Variants in AGO3 observed in about 807,000 individuals in gnomAD.
AGO3 encodes the protein protein argonaute-3.
In AGO3, 16 loss-of-function variants were observed where a neutral mutation model predicts 105.5. That is an observed-to-expected ratio of 0.15 (90% CI 0.10 to 0.23). The LOEUF is 0.23. Ranked by LOEUF, AGO3 falls within the 10% of genes least tolerant of loss-of-function variation. AGO3 has a pLI of 1.00. For missense variants in AGO3, 534 were observed against 1,088.0 expected, an observed-to-expected ratio of 0.49 and a Z score of 7.16; for synonymous variants, 340 against 367.3, an observed-to-expected ratio of 0.93 and a Z score of 0.85.
At chr1:35,977,061 A>G (rs1405688368) in intron 5 of AGO3, among the ~76,000 whole-genome samples, 1 of 151,996 alleles carries the variant, frequency 6.6e-6, no homozygotes, top group South Asian at 2.1e-4. Flanking sequence ...TGTGAAAATC[A>G]GTCTAATAAT....
At chr1:35,956,909 A>G (rs1341437760) in intron 2 of AGO3, among the ~76,000 whole-genome samples, 1 of 151,590 alleles carries the variant, frequency 6.6e-6, no homozygotes, top group African/African-American at 2.4e-5. Flanking sequence ...CGGCCTCCCA[A>G]AGTTGCTAGG....
Position 36,013,695 on chromosome 1 carries a change from A to G in AGO3, c.1215A>G (p.Glu405=). ...AGTTTCAATTTAAAGTTCGGGATGA[A>G]ATGGCTCATGTAACTGGACGCGTAC... is the stretch of plus-strand genomic sequence containing the variant. The part of the protein sequence containing the change: ...VQEFQFKVRD[E]MAHVTGRVLP... The change falls in exon 10 of 19, where the codon GAA becomes GAG. Residue 405 remains glutamate, a synonymous_variant. Coordinates refer to ENST00000373191, the MANE Select transcript of AGO3 (RefSeq NM_024852.4). 1 of 1,614,168 alleles carries G rather than the reference A, an allele frequency of 6.2e-7. No individual in the cohort carries two copies. The highest frequency in any genetic ancestry group is 8.5e-7 in the Non-Finnish European group (1 of 1,180,034).
chr1:36,067,853 A>G lies in AGO3; in HGVS notation c.*12108A>G, dbSNP rs1569982062. 6.6e-6 allele frequency: 1 copy of G among 152,162 alleles called. No individual in the cohort carries two copies. 9.4% of individuals were successfully genotyped at this position (152,162 alleles called of 1,614,324 possible). A position where few individuals can be genotyped will look rare whatever the true frequency, so the allele number is the denominator to read the frequency against. Reference sequence around the variant, plus strand: ...AAAAAAAAAAAAGAAGGAATAGGAAAAGGACTTAGAGGCAGTTGATATAGA... The same window carrying G: ...AAAAAAAAAAAAGAAGGAATAGGAAGAGGACTTAGAGGCAGTTGATATAGA... On this transcript the variant is annotated 3_prime_UTR_variant, in exon 19 of 19. Coordinates refer to ENST00000373191, the MANE Select transcript of AGO3 (RefSeq NM_024852.4).
intron 9 of AGO3, among the ~76,000 whole-genome samples, chr1:36,013,216 G>A (rs1640709237): frequency 6.6e-6 from 1 of 152,106 alleles, no homozygotes; most frequent in African/African-American, 2.4e-5. Context: ...TGGAATTACA[G>A]ATGTGAGCCA....
In AGO3 at chr1:36,071,459, A is replaced by G. The variant is rs1037245067; in HGVS notation, c.*15714A>G. ...TGATATCAGTATGTTTTGAAACTGA[A>G]TTATTACATAAAATCAGAGTAACCT... is the stretch of plus-strand genomic sequence containing the variant. On this transcript the variant is annotated 3_prime_UTR_variant, in exon 19 of 19. Transcript: ENST00000373191. 5 of 152,158 alleles carry G rather than the reference A, an allele frequency of 3.3e-5. No individual in the cohort carries two copies. The highest frequency in any genetic ancestry group is 1.2e-4 in the African/African-American group (5 of 41,428). The allele number at this position is 152,158 out of a possible 1,614,324, so 9.4% of individuals were successfully genotyped here. A position where few individuals can be genotyped will look rare whatever the true frequency, so the allele number is the denominator to read the frequency against.
At chr1:36,013,178 GT>G (rs373748786) in intron 9 of AGO3, among the ~76,000 whole-genome samples, 167 of 152,030 alleles carry the variant, frequency 1.1e-3, no homozygotes, top group African/African-American at 3.8e-3. Flanking sequence ...AGCTCAAGCA[GT>G]TCTCCCACCT....
At chr1:36,002,512 A>G (rs1439185958) in intron 5 of AGO3, among the ~76,000 whole-genome samples, 2 of 151,340 alleles carry the variant, frequency 1.3e-5, no homozygotes, top group East Asian at 1.9e-4. Flanking sequence ...TTGTATTTTC[A>G]GTAGAGATGG....
At position 35,972,224 on chromosome 1, in the gene AGO3, C is replaced by A. The variant is rs1646882439; in HGVS notation, c.513C>A (p.Pro171=). ...TTGATGTGGTGCTACGACATCTGCCCTCCATGAAGTGGGTGCTTCTGCTTT... is the reference window on the plus strand; with the variant it reads ...TTGATGTGGTGCTACGACATCTGCCATCCATGAAGTGGGTGCTTCTGCTTT... ...HAVDVVLRHL[P]SMKYTPVGRS... Residue 171 remains proline (P), a synonymous_variant, in exon 4 of 19, where the codon CCC becomes CCA. Transcript: ENST00000373191. 1 of 1,613,706 alleles carries A rather than the reference C, an allele frequency of 6.2e-7. No individual in the cohort carries two copies. Among genetic ancestry groups the A allele is most frequent in the Non-Finnish European group, 8.5e-7 (1 of 1,179,992 alleles).
At chr1:36,051,962 TG>T (rs1374838868) in intron 17 of AGO3, among the ~76,000 whole-genome samples, 3 of 152,110 alleles carry the variant, frequency 2.0e-5, no homozygotes, top group Non-Finnish European at 2.9e-5. Flanking sequence ...TATGCACTAT[TG>T]GTGGCAATGT....
At chr1:36,050,636 A>G (rs1476987671) in intron 17 of AGO3, among the ~76,000 whole-genome samples, 1 of 151,692 alleles carries the variant, frequency 6.6e-6, no homozygotes, top group African/African-American at 2.4e-5. Flanking sequence ...TACTAAAAAT[A>G]CAAAAATTAG....
intron 6 of AGO3, among the ~76,000 whole-genome samples, chr1:36,006,821 C>T (rs1424235294): frequency 6.6e-6 from 1 of 152,216 alleles, no homozygotes; most frequent in East Asian, 1.9e-4. Flanking sequence ...GGATGGATAC[C>T]GTGTCCATTT....
intron 2 of AGO3, among the ~76,000 whole-genome samples, chr1:35,947,196 G>C (rs973559620): frequency 6.6e-6 from 1 of 151,984 alleles, no homozygotes; most frequent in East Asian, 1.9e-4. Context: ...TCTGAACCAG[G>C]CTTAAGGGGA....
chr1:35,969,356 T>C (rs1646827270), intron 3 of AGO3, among the ~76,000 whole-genome samples: 1 of 152,196 alleles, frequency 6.6e-6, no homozygotes, highest in Non-Finnish European at 1.5e-5. Flanking sequence ...TTTTTAATTT[T>C]GAAATGGGAG....
Position 35,931,333 on chromosome 1 carries a change from C to T in AGO3, c.-94C>T, listed in dbSNP as rs1176167272. ...CCCGCCTCGGGGCCGAGTGAGAGTG[C>T]CCGTCGCGTCGCGCCGCGTCGCCCC... On this transcript the variant is annotated 5_prime_UTR_variant, in exon 1 of 19. Coordinates refer to ENST00000373191, the MANE Select transcript of AGO3 (RefSeq NM_024852.4). 2 of 1,219,316 alleles carry T rather than the reference C, an allele frequency of 1.6e-6. No homozygotes were observed. Among genetic ancestry groups the T allele is most frequent in the Middle Eastern group, 2.2e-4 (1 of 4,482 alleles). The allele number at this position is 1,219,316 out of a possible 1,614,324, so 75.5% of individuals were successfully genotyped here. A position where few individuals can be genotyped will look rare whatever the true frequency, so the allele number is the denominator to read the frequency against.
intron 11 of AGO3, among the ~76,000 whole-genome samples, chr1:36,022,789 G>A (rs536263889): frequency 3.9e-5 from 6 of 152,002 alleles, no homozygotes; most frequent in Non-Finnish European, 7.4e-5. Context: ...AAAATTAGCC[G>A]GGCCTGGTGG....
intron 11 of AGO3, among the ~76,000 whole-genome samples, chr1:36,021,806 G>GA (rs1641239194): frequency 6.6e-6 from 1 of 152,044 alleles, no homozygotes; most frequent in Non-Finnish European, 1.5e-5. Flanking sequence ...ATTTGATAGA[G>GA]AGGAGACTCA....
intron 2 of AGO3, among the ~76,000 whole-genome samples, chr1:35,950,073 T>C (rs1324220301): frequency 6.6e-6 from 1 of 152,104 alleles, no homozygotes; most frequent in Non-Finnish European, 1.5e-5. Flanking sequence ...GTACAAAAAT[T>C]AGCTGCATGT....
At chr1:35,995,525 A>G (rs961802263) in intron 5 of AGO3, among the ~76,000 whole-genome samples, 6 of 152,094 alleles carry the variant, frequency 3.9e-5, no homozygotes, top group Non-Finnish European at 7.4e-5. Flanking sequence ...TTCTCAGTAA[A>G]TGATGTAACA....
intron 17 of AGO3, among the ~76,000 whole-genome samples, chr1:36,045,547 G>A (rs375004150): frequency 1.4e-5 from 2 of 147,982 alleles, no homozygotes; most frequent in East Asian, 4.0e-4. Flanking sequence ...ATGGAGTTTT[G>A]CTTTTGTCGC....
Sources: gnomAD v4.1 joint callset for allele counts (sites outside exome capture counted in the v4.1 genomes callset) on GRCh38, gnomAD v4.1.1 for gene constraint, MANE v1.5 for transcripts, NCBI Gene and HGNC (gene_info 2026-07-23, HGNC 2026-07-21) for gene names.